PDGFRA: variants seen among roughly 807,000 people sequenced by gnomAD.
PDGFRA encodes the protein platelet derived growth factor receptor alpha, also known as platelet-derived growth factor receptor alpha.
Under a neutral mutation model 121.5 loss-of-function variants are expected in PDGFRA, and 25 were observed. The ratio of observed to expected loss-of-function variants is 0.21; its 90% CI spans 0.15 to 0.29. PDGFRA has a LOEUF of 0.29. Among genes scored for constraint, PDGFRA ranks in the 10% least tolerant of loss-of-function variants. PDGFRA has a pLI of 1.00. For synonymous variants in PDGFRA, 463 were observed against 494.8 expected (o/e 0.94, Z 0.85); for missense variants, 1,008 against 1,345.1 (o/e 0.75, Z 3.92).
At chr4:54,248,102 T>G (rs1010341959) in intron 1 of PDGFRA, among the ~76,000 whole-genome samples, 4 of 152,178 alleles carry the variant, frequency 2.6e-5, no homozygotes, top group Admixed American at 6.5e-5. Context: ...CATGCTCATG[T>G]GTAGGAAGAA....
chr4:54,278,242 A>C (rs1723855222), intron 14 of PDGFRA, 120 bp from the exon 15 acceptor site: 15 of 659,500 alleles, frequency 2.3e-5, no homozygotes, highest in Admixed American at 8.1e-5. Context: ...AAAAAAAAAA[A>C]AAAAAAAAAA....
chr4:54,296,475 G>T lies in PDGFRA; in HGVS notation c.*1203G>T. 4.6e-6 allele frequency: 1 copy of T among 218,362 alleles called. No homozygotes were observed. The highest frequency in any genetic ancestry group is 9.1e-6 in the Non-Finnish European group (1 of 109,542). The allele number at this position is 218,362 out of a possible 1,614,324, so 13.5% of individuals were successfully genotyped here. A position where few individuals can be genotyped will look rare whatever the true frequency, so the allele number is the denominator to read the frequency against. ...GGGTCAGAAGGATGCCCAGACATCA[G>T]CCTCCTTCTTTCACCCCTTACCCCA... On this transcript the variant is annotated 3_prime_UTR_variant, in exon 23 of 23. Coordinates refer to ENST00000257290, the MANE Select transcript of PDGFRA (RefSeq NM_006206.6).
intron 21 of PDGFRA, among the ~76,000 whole-genome samples, chr4:54,289,946 A>C (rs1724541901): frequency 6.6e-6 from 1 of 152,196 alleles, no homozygotes; most frequent in South Asian, 2.1e-4. Context: ...ATGTTTAAGG[A>C]TCATGAAGGC....
chr4:54,234,534 C>G (rs1720901367), intron 1 of PDGFRA, among the ~76,000 whole-genome samples: 1 of 152,150 alleles, frequency 6.6e-6, no homozygotes, highest in Non-Finnish European at 1.5e-5. Context: ...ATTTTTTGCT[C>G]AGTAGGACCG....
At chr4:54,270,887 G>A (rs1482866675) in intron 8 of PDGFRA, 139 bp downstream of exon 8, 2 of 689,284 alleles carry the variant, frequency 2.9e-6, no homozygotes, top group African/African-American at 3.5e-5. Context: ...CACATATCGG[G>A]AATACCTCTG....
At chr4:54,263,062 C>T (rs1237764136) in intron 3 of PDGFRA, among the ~76,000 whole-genome samples, 1 of 152,132 alleles carries the variant, frequency 6.6e-6, no homozygotes, top group African/African-American at 2.4e-5. Flanking sequence ...TTCTCAGGCT[C>T]CTTCTCCTTC....
chr4:54,266,181 T>G (rs1358080457), intron 5 of PDGFRA, among the ~76,000 whole-genome samples: 1 of 152,216 alleles, frequency 6.6e-6, no homozygotes, highest in Non-Finnish European at 1.5e-5. Flanking sequence ...ACAGCAATTT[T>G]TTTTTCCAAA....
At position 54,297,228 on chromosome 4, in the gene PDGFRA, T is replaced by C. The variant is rs891891716; in HGVS notation, c.*1956T>C. ...ATACTGCTTAATTGCTGATACCATATGAATGAAACATGGGCTGTGATTACT... is the reference window on the plus strand; with the variant it reads ...ATACTGCTTAATTGCTGATACCATACGAATGAAACATGGGCTGTGATTACT... On this transcript the variant is annotated 3_prime_UTR_variant, in exon 23 of 23. Transcript: ENST00000257290. 8.6e-6 allele frequency: 2 copies of C among 233,626 alleles called. No individual in the cohort carries two copies. Among genetic ancestry groups the C allele is most frequent in the Admixed American group, 5.6e-5 (1 of 17,788 alleles). The allele number at this position is 233,626 out of a possible 1,614,324, so 14.5% of individuals were successfully genotyped here.
At chr4:54,287,614 C>A in intron 19 of PDGFRA, 73 bp downstream of exon 19, 2 of 785,078 alleles carry the variant, frequency 2.5e-6, no homozygotes, top group Admixed American at 1.7e-5. Context: ...TTCTTTCAAG[C>A]CCCAGGATGT....
intron 22 of PDGFRA, among the ~76,000 whole-genome samples, chr4:54,292,859 C>T (rs373202503): frequency 7.9e-5 from 12 of 152,136 alleles, no homozygotes; most frequent in Admixed American, 3.3e-4. Context: ...AGGGGAACAA[C>T]AGACACCAGG....
chr4:54,234,494 G>A (rs1320901863), intron 1 of PDGFRA, among the ~76,000 whole-genome samples: 1 of 152,210 alleles, frequency 6.6e-6, no homozygotes, highest in Admixed American at 6.5e-5. Flanking sequence ...GAGACCATTA[G>A]GAAGGTGCTT....
chr4:54,284,536 G>A (rs906638097), intron 16 of PDGFRA, among the ~76,000 whole-genome samples: 1 of 147,386 alleles, frequency 6.8e-6, no homozygotes, highest in Non-Finnish European at 1.5e-5. Flanking sequence ...ATATCACATG[G>A]CCAGAGCAGG....
chr4:54,246,126 T>C (rs201386419), intron 1 of PDGFRA, among the ~76,000 whole-genome samples: 1 of 152,164 alleles, frequency 6.6e-6, no homozygotes, highest in South Asian at 2.1e-4. Context: ...TTGGAGACTT[T>C]AACACCCCAC....
chr4:54,251,259 T>G (rs1011180102), intron 1 of PDGFRA, among the ~76,000 whole-genome samples: 1 of 152,190 alleles, frequency 6.6e-6, no homozygotes, highest in Non-Finnish European at 1.5e-5. Context: ...AATGACTTTT[T>G]GCTTAAAACA....
rs752684264 is a variant in PDGFRA at position 54,285,924 on chromosome 4, A to G, written c.2523A>G (p.Arg841=). 93 of 1,614,054 alleles carry G rather than the reference A, an allele frequency of 5.8e-5. No homozygotes were observed. Among genetic ancestry groups the G allele is most frequent in the Non-Finnish European group, 7.9e-5 (93 of 1,179,990 alleles). ...AGATCTGTGACTTTGGCCTGGCCAG[A>G]GACATCATGCATGATTCGAACTATG... ...IVKICDFGLA[R]DIMHDSNYVS... is the part of the protein sequence containing the mutation. The change falls in exon 18 of 23, where the codon AGA becomes AGG. Residue 841 remains arginine, a synonymous_variant. Coordinates refer to ENST00000257290, the MANE Select transcript of PDGFRA (RefSeq NM_006206.6).
chr4:54,247,445 G>A (rs1174081679), intron 1 of PDGFRA, among the ~76,000 whole-genome samples: 7 of 152,208 alleles, frequency 4.6e-5, no homozygotes, highest in South Asian at 4.1e-4. Context: ...AATCCAGCAT[G>A]TAAACAGAAC....
chr4:54,260,565 AATTTTTTT>A (rs1560466125), intron 2 of PDGFRA, among the ~76,000 whole-genome samples: 8 of 151,684 alleles, frequency 5.3e-5, no homozygotes, highest in Admixed American at 3.3e-4. Context: ...ACACCTGGCT[AATTTTTTT>A]ATTTTTTTAT....
chr4:54,286,100 C>T (rs952213023), intron 18 of PDGFRA, 137 bp downstream of exon 18: 1 of 891,204 alleles, frequency 1.1e-6, no homozygotes, highest in African/African-American at 1.6e-5. Flanking sequence ...ACTGCCTTGG[C>T]AGCAGATTGC....
chr4:54,283,001 T>C (rs530282276), intron 16 of PDGFRA, among the ~76,000 whole-genome samples: 1 of 152,300 alleles, frequency 6.6e-6, no homozygotes, highest in East Asian at 1.9e-4. Context: ...TTGGGAGGGA[T>C]GGAACACCCT....
Sources: allele counts gnomAD v4.1 joint callset (sites outside exome capture counted in the v4.1 genomes callset), GRCh38; gene constraint gnomAD v4.1.1; transcripts MANE v1.5; gene names NCBI Gene and HGNC (gene_info 2026-07-23, HGNC 2026-07-21).